RCAN2: variants seen among roughly 807,000 people sequenced by gnomAD.
The protein encoded by RCAN2 is calcipressin-2.
Under a neutral mutation model 23.6 loss-of-function variants are expected in RCAN2, and 9 were observed. The ratio of observed to expected loss-of-function variants is 0.38; its 90% CI spans 0.23 to 0.67. RCAN2 has a LOEUF of 0.67. RCAN2 is among the 30% of genes least tolerant of loss of function. RCAN2 has a pLI of 0.51. For synonymous variants in RCAN2, 109 were observed against 115.7 expected (o/e 0.94, Z 0.37); for missense variants, 273 against 302.3 (o/e 0.90, Z 0.72).
intron 2 of RCAN2, among the ~76,000 whole-genome samples, chr6:46,408,265 T>C (rs1766456978): frequency 6.6e-6 from 1 of 152,154 alleles, no homozygotes; most frequent in African/African-American, 2.4e-5. Flanking sequence ...TTTACATGTT[T>C]AGAGCCATCC....
upstream of RCAN2, chr6:46,491,475 C>T (rs1156713250): frequency 2.6e-5 from 4 of 152,106 alleles, no homozygotes; most frequent in Admixed American, 6.5e-5. Flanking sequence ...CGGCGGCTCT[C>T]GCAGGAGCCG....
chr6:46,410,500 C>T (rs1314352398), intron 2 of RCAN2, among the ~76,000 whole-genome samples: 2 of 151,978 alleles, frequency 1.3e-5, no homozygotes, highest in Non-Finnish European at 2.9e-5. Context: ...CAGGAAACAA[C>T]AAGTGAAGTA....
At chr6:46,300,603 A>G (rs1171329938) in intron 2 of RCAN2, among the ~76,000 whole-genome samples, 8 of 152,056 alleles carry the variant, frequency 5.3e-5, no homozygotes, top group Non-Finnish European at 1.5e-5. Flanking sequence ...ACCAATACTT[A>G]CTAACACCTT....
chr6:46,465,089 C>A (rs1768334322), intron 1 of RCAN2, among the ~76,000 whole-genome samples: 1 of 152,062 alleles, frequency 6.6e-6, no homozygotes, highest in African/African-American at 2.4e-5. Context: ...ATGGGACAAG[C>A]AAATAGGGCA....
At chr6:46,323,215 T>C (rs138164112) in intron 2 of RCAN2, among the ~76,000 whole-genome samples, 1,752 of 152,188 alleles carry the variant, frequency 0.012, 29 homozygotes, top group African/African-American at 0.04. Flanking sequence ...AAGATGACAA[T>C]GATGACGATG....
chr6:46,459,763 A>T (rs1269346718), intron 1 of RCAN2, among the ~76,000 whole-genome samples: 1 of 152,196 alleles, frequency 6.6e-6, no homozygotes, highest in Non-Finnish European at 1.5e-5. Flanking sequence ...GAGTAAGGGG[A>T]GGCAGGGGAA....
intron 1 of RCAN2, among the ~76,000 whole-genome samples, chr6:46,460,337 C>T (rs1028713433): frequency 2.6e-5 from 4 of 152,246 alleles, no homozygotes; most frequent in African/African-American, 9.6e-5. Flanking sequence ...GCTGGGATTA[C>T]AGATGTCAGA....
At chr6:46,223,868 T>C (rs1765562279) in intron 4 of RCAN2, among the ~76,000 whole-genome samples, 1 of 152,206 alleles carries the variant, frequency 6.6e-6, no homozygotes, top group South Asian at 2.1e-4. Flanking sequence ...GTGTCTACAT[T>C]CTTGACTGGC....
At chr6:46,249,715 G>T (rs1331024739) in intron 2 of RCAN2, among the ~76,000 whole-genome samples, 1 of 152,150 alleles carries the variant, frequency 6.6e-6, no homozygotes, top group Non-Finnish European at 1.5e-5. Flanking sequence ...CCTGGTCAAT[G>T]AAATACGTGT....
At chr6:46,365,030 C>T (rs1765128180) in intron 2 of RCAN2, among the ~76,000 whole-genome samples, 1 of 152,118 alleles carries the variant, frequency 6.6e-6, no homozygotes, top group Non-Finnish European at 1.5e-5. Context: ...CCCTGGCTAC[C>T]CTTCCTAAAA....
chr6:46,368,436 T>C lies in RCAN2; in HGVS notation c.225+88316A>G, dbSNP rs1765235037. 2.0e-5 allele frequency among the ~76,000 whole-genome samples: 3 copies of C among 152,174 alleles called. No individual in the cohort carries two copies. In the South Asian group the frequency reaches 6.2e-4, roughly 32 times the overall value. ...TTCCCCACCAGCATTAAGCATACAG[T>C]CATGCATTGCTTAATGACAGGGTAT... On this transcript the variant is annotated intron_variant, in intron 2 of 4. Transcript: ENST00000371374.
chr6:46,233,802 A>G (rs1187290464), intron 4 of RCAN2, among the ~76,000 whole-genome samples: 1 of 145,610 alleles, frequency 6.9e-6, no homozygotes, highest in Non-Finnish European at 1.5e-5. Flanking sequence ...ATCTTGGCTC[A>G]CCGCAACCTC....
At chr6:46,232,517 C>T (rs536684857) in intron 4 of RCAN2, among the ~76,000 whole-genome samples, 1 of 151,996 alleles carries the variant, frequency 6.6e-6, no homozygotes, top group South Asian at 2.1e-4. Context: ...TTAGGTCGGG[C>T]GTGGTGTCTC....
intron 2 of RCAN2, among the ~76,000 whole-genome samples, chr6:46,379,757 CT>C (rs1167046302): frequency 1.3e-5 from 2 of 152,116 alleles, no homozygotes; most frequent in Non-Finnish European, 2.9e-5. Context: ...AGAATCCAAC[CT>C]TTAGAGAAAG....
At chr6:46,414,621 GAAGGCCTT>G (rs1766649950) in intron 2 of RCAN2, among the ~76,000 whole-genome samples, 1 of 152,146 alleles carries the variant, frequency 6.6e-6, no homozygotes, top group Admixed American at 6.5e-5. Flanking sequence ...CTAATCAGTT[GAAGGCCTT>G]AATAGAGAAA....
chr6:46,400,408 A>C (rs756225994), intron 2 of RCAN2, among the ~76,000 whole-genome samples: 2 of 152,110 alleles, frequency 1.3e-5, no homozygotes, highest in African/African-American at 4.8e-5. Context: ...CTGGAAATCA[A>C]TCTCTCTCAT....
chr6:46,461,533 A>G (rs1768204817), intron 1 of RCAN2, among the ~76,000 whole-genome samples: 2 of 152,112 alleles, frequency 1.3e-5, no homozygotes, highest in Admixed American at 1.3e-4. Context: ...CCTTCATGCC[A>G]GTCTCAAGCT....
chr6:46,417,826 C>T (rs1028663162), intron 2 of RCAN2, among the ~76,000 whole-genome samples: 5 of 152,204 alleles, frequency 3.3e-5, no homozygotes, highest in African/African-American at 1.2e-4. Flanking sequence ...TCCTAAGAGC[C>T]AGGCACTGTG....
At chr6:46,443,236 T>G (rs1202068643) in intron 2 of RCAN2, among the ~76,000 whole-genome samples, 4 of 152,194 alleles carry the variant, frequency 2.6e-5, no homozygotes, top group Admixed American at 2.0e-4. Context: ...TTAAAACTAA[T>G]ATTTGGTGAT....
Sources: allele counts gnomAD v4.1 joint callset (sites outside exome capture counted in the v4.1 genomes callset), GRCh38; gene constraint gnomAD v4.1.1; transcripts MANE v1.5; gene names NCBI Gene and HGNC (gene_info 2026-07-23, HGNC 2026-07-21).